GRIN2A: variants seen among roughly 807,000 people sequenced by gnomAD.
GRIN2A encodes the protein glutamate receptor ionotropic, NMDA 2A.
In GRIN2A, 22 loss-of-function variants were observed where a neutral mutation model predicts 113.4. The ratio of observed to expected loss-of-function variants is 0.19; its 90% confidence interval spans 0.14 to 0.28. The LOEUF is 0.28. Ranked by LOEUF, GRIN2A falls within the 10% of genes least tolerant of loss-of-function variation. The pLI, the probability that GRIN2A is intolerant of heterozygous loss-of-function variation, is 1.00. For missense variants in GRIN2A, 1,502 were observed against 1,887.0 expected, an observed-to-expected ratio of 0.80 and a Z score of 3.78; for synonymous variants, 827 against 738.4, an observed-to-expected ratio of 1.12 and a Z score of -1.94.
chr16:9,823,137 A>G (rs1174621169), intron 9 of GRIN2A, among the ~76,000 whole-genome samples: 1 of 152,198 alleles, frequency 6.6e-6, no homozygotes, highest in African/African-American at 2.4e-5. Context: ...TAGTCCATGC[A>G]TCACCAGTCT....
intron 3 of GRIN2A, among the ~76,000 whole-genome samples, chr16:9,895,057 A>T (rs1334117539): frequency 6.6e-6 from 1 of 152,200 alleles, no homozygotes; most frequent in Non-Finnish European, 1.5e-5. Flanking sequence ...CTGTACCAGA[A>T]CTATGCCATG....
intron 10 of GRIN2A, among the ~76,000 whole-genome samples, chr16:9,818,525 G>C (rs1046998065): frequency 1.4e-5 from 2 of 147,692 alleles, no homozygotes; most frequent in African/African-American, 4.9e-5. Flanking sequence ...GACTAAAAAA[G>C]AAATAGGGAA....
At chr16:10,077,195 T>C (rs2047889323) in intron 2 of GRIN2A, among the ~76,000 whole-genome samples, 1 of 152,224 alleles carries the variant, frequency 6.6e-6, no homozygotes, top group South Asian at 2.1e-4. Flanking sequence ...AACACAGCAC[T>C]GCACCTTGAT....
chr16:10,010,544 A>C (rs1429288670), intron 2 of GRIN2A, among the ~76,000 whole-genome samples: 1 of 152,230 alleles, frequency 6.6e-6, no homozygotes, highest in Non-Finnish European at 1.5e-5. Context: ...ATGTTGTAAA[A>C]TTAAATAAGA....
chr16:9,867,442 C>T (rs2043178951), intron 4 of GRIN2A, among the ~76,000 whole-genome samples: 1 of 152,180 alleles, frequency 6.6e-6, no homozygotes, highest in African/African-American at 2.4e-5. Context: ...CACAAACTCA[C>T]CTGCCTCTGC....
chr16:10,176,533 G>C (rs1047555151), intron 2 of GRIN2A, among the ~76,000 whole-genome samples: 1 of 152,146 alleles, frequency 6.6e-6, no homozygotes, highest in Non-Finnish European at 1.5e-5. Flanking sequence ...AAAAGGATGA[G>C]TTCATGTCCT....
At chr16:10,168,928 G>A (rs1452175587) in intron 2 of GRIN2A, among the ~76,000 whole-genome samples, 1 of 151,210 alleles carries the variant, frequency 6.6e-6, no homozygotes, top group African/African-American at 2.4e-5. Context: ...TCGTGCCATT[G>A]AACTCCAGCC....
intron 2 of GRIN2A, among the ~76,000 whole-genome samples, chr16:10,094,453 AG>A (rs945412770): frequency 6.8e-6 from 1 of 146,198 alleles, no homozygotes; most frequent in African/African-American, 2.7e-5. Flanking sequence ...CCAAGAAAAC[AG>A]TTTTTTTTTT....
At chr16:10,108,667 C>T (rs2048546075) in intron 2 of GRIN2A, among the ~76,000 whole-genome samples, 1 of 152,198 alleles carries the variant, frequency 6.6e-6, no homozygotes, top group African/African-American at 2.4e-5. Context: ...GATGAGCCAA[C>T]TCTAGACCCT....
At chr16:9,961,016 C>T (rs929075488) in intron 2 of GRIN2A, among the ~76,000 whole-genome samples, 11 of 152,134 alleles carry the variant, frequency 7.2e-5, no homozygotes, top group South Asian at 2.1e-4. Flanking sequence ...TTGTCATTTA[C>T]GTGCAATTTA....
At chr16:9,977,095 C>T (rs1307984596) in intron 2 of GRIN2A, among the ~76,000 whole-genome samples, 7 of 152,172 alleles carry the variant, frequency 4.6e-5, no homozygotes, top group Non-Finnish European at 1.0e-4. Context: ...TTACATAGTC[C>T]TGCTCAATCT....
chr16:10,091,530 G>A (rs1458251913), intron 2 of GRIN2A, among the ~76,000 whole-genome samples: 1 of 151,988 alleles, frequency 6.6e-6, no homozygotes. Context: ...GTGTATACCT[G>A]TAGTCCCAGC....
chr16:9,902,460 C>T (rs2043947599), intron 3 of GRIN2A, among the ~76,000 whole-genome samples: 1 of 152,208 alleles, frequency 6.6e-6, no homozygotes, highest in Non-Finnish European at 1.5e-5. Context: ...GAATACCACA[C>T]CAGCCCTAGA....
intron 2 of GRIN2A, among the ~76,000 whole-genome samples, chr16:9,993,917 C>A (rs1334030917): frequency 6.6e-6 from 1 of 152,196 alleles, no homozygotes; most frequent in Non-Finnish European, 1.5e-5. Context: ...TCGGACACAT[C>A]ATTGTAATCC....
chr16:9,771,329 G>T (rs890398466), intron 11 of GRIN2A, among the ~76,000 whole-genome samples: 2 of 151,218 alleles, frequency 1.3e-5, no homozygotes, highest in Non-Finnish European at 2.9e-5. Flanking sequence ...ATTTCCAATA[G>T]ATGTATTTTC....
chr16:9,972,847 C>G (rs2045699931), intron 2 of GRIN2A, among the ~76,000 whole-genome samples: 1 of 152,212 alleles, frequency 6.6e-6, no homozygotes, highest in African/African-American at 2.4e-5. Flanking sequence ...GAGTAATTCA[C>G]ACACAGCCAG....
intron 2 of GRIN2A, among the ~76,000 whole-genome samples, chr16:9,971,763 C>T (rs1381547575): frequency 1.3e-5 from 2 of 151,988 alleles, no homozygotes; most frequent in East Asian, 3.9e-4. Context: ...TAGGAAATCT[C>T]TTAACAGATT....
intron 2 of GRIN2A, among the ~76,000 whole-genome samples, chr16:10,034,630 A>G (rs1459770226): frequency 6.6e-6 from 1 of 150,640 alleles, no homozygotes; most frequent in African/African-American, 2.4e-5. Flanking sequence ...TGAATGATTA[A>G]GGTCAAGAGG....
rs1356928893 is a variant in GRIN2A, at chr16:9,755,180, T to C, written c.*7969A>G. 1 of 191,634 alleles carries C rather than the reference T, an allele frequency of 5.2e-6. No homozygotes were observed. The allele number at this position is 191,634 out of a possible 1,614,324, so 11.9% of individuals were successfully genotyped here. A position where few individuals can be genotyped will look rare whatever the true frequency, so the allele number is the denominator to read the frequency against. On this transcript the variant is annotated 3_prime_UTR_variant, in exon 13 of 13. Coordinates refer to ENST00000330684, the MANE Select transcript of GRIN2A (RefSeq NM_001134407.3). ...TAATCTCAGTTTTGTCTTCTTCGTT[T>C]CTGCAGACCGCTGACACTTTATCTG...
Sources: gnomAD v4.1 joint callset for allele counts (sites outside exome capture counted in the v4.1 genomes callset) on GRCh38, gnomAD v4.1.1 for gene constraint, MANE v1.5 for transcripts, NCBI Gene and HGNC (gene_info 2026-07-23, HGNC 2026-07-21) for gene names.